CASC3: variants seen among roughly 807,000 people sequenced by gnomAD.
CASC3 encodes CASC3 exon junction complex subunit, also known as protein CASC3.
Under a neutral mutation model 80.5 loss-of-function variants are expected in CASC3, and 30 were observed. That is an observed-to-expected ratio of 0.37 (90% CI 0.28 to 0.51). The LOEUF (loss-of-function observed/expected upper bound fraction) is 0.51. Among genes scored for constraint, CASC3 ranks in the 20% least tolerant of loss-of-function variants. CASC3 has a pLI of 0.94. For synonymous variants in CASC3, 312 were observed against 333.6 expected, an observed-to-expected ratio of 0.94 and a Z score of 0.70; for missense variants, 824 against 922.2, an observed-to-expected ratio of 0.89 and a Z score of 1.38.
chr17:40,141,449 A>G, intron 2 of CASC3, 121 bp from the exon 3 acceptor site: 1 of 925,798 alleles, frequency 1.1e-6, no homozygotes, highest in South Asian at 1.4e-5. Flanking sequence ...TGGGGACTAT[A>G]ATTTTATCCA....
At chr17:40,149,436 G>T (rs531210657) in intron 3 of CASC3, among the ~76,000 whole-genome samples, 4 of 152,054 alleles carry the variant, frequency 2.6e-5, no homozygotes, top group African/African-American at 9.6e-5. Context: ...AAAGAAATTT[G>T]ACTGAGGGAA....
chr17:40,148,678 G>C (rs1362840610), intron 3 of CASC3, among the ~76,000 whole-genome samples: 1 of 151,944 alleles, frequency 6.6e-6, no homozygotes, highest in African/African-American at 2.4e-5. Context: ...AGTTGTAAGT[G>C]CTGTTCTCAG....
chr17:40,163,427 G>A (rs1192969355), intron 6 of CASC3, 54 bp from the exon 7 acceptor site: 20 of 1,501,098 alleles, frequency 1.3e-5, no homozygotes, highest in East Asian at 9.0e-5. Context: ...GAGCCACCGC[G>A]CGTAGCCTCC....
chr17:40,170,070 T>C lies in CASC3; in HGVS notation c.*42-377T>C, dbSNP rs541484728. Among the ~76,000 whole-genome samples, 4 of 150,996 alleles carry C rather than the reference T, an allele frequency of 2.6e-5. No homozygotes were observed. The East Asian group carries it at 7.8e-4, about 29-fold the overall frequency. On this transcript the variant is annotated intron_variant, in intron 13 of 13. Coordinates refer to ENST00000264645, the MANE Select transcript of CASC3 (RefSeq NM_007359.5). The stretch of plus-strand genomic sequence containing the variant: ...CCCACCCAGCCTCTGATTAATGCTT[T>C]AAGTTATAATAATCATGGGATATCT...
chr17:40,141,496 A>T, intron 2 of CASC3, 74 bp from the exon 3 acceptor site: 1 of 1,237,414 alleles, frequency 8.1e-7, no homozygotes, highest in Non-Finnish European at 1.2e-6. Context: ...TGAGACTCTT[A>T]GTCTGACCTG....
rs977202954 is a variant in CASC3 at position 40,171,813 on chromosome 17, C to T, written c.*1408C>T. On this transcript the variant is annotated 3_prime_UTR_variant, in exon 14 of 14. Coordinates refer to ENST00000264645, the MANE Select transcript of CASC3 (RefSeq NM_007359.5). ...ATGTCACTGTTTTTATTCCTTCCAT[C>T]TAGCAGCTGGCCTAATCACTCTGAG... The T allele has an allele frequency of 1.7e-6, 2 of 1,173,294 alleles. No homozygotes were observed. The highest frequency in any genetic ancestry group is 3.2e-5 in the African/African-American group (2 of 62,338). The allele number at this position is 1,173,294 out of a possible 1,614,324, so 72.7% of individuals were successfully genotyped here.
chr17:40,149,176 A>G (rs1988933954), intron 3 of CASC3, among the ~76,000 whole-genome samples: 1 of 151,668 alleles, frequency 6.6e-6, no homozygotes, highest in Non-Finnish European at 1.5e-5. Flanking sequence ...GTGTCTGGCC[A>G]GGGTTTTGGT....
Position 40,164,001 on chromosome 17 carries a change from C to G in CASC3, c.1306C>G (p.Pro436Ala), listed in dbSNP as rs1163070932. The change falls in exon 7 of 14, where the codon CCA becomes GCA. Residue 436 changes from proline (P) to alanine (A), a missense_variant. This residue lies in a region of CASC3 where 464 missense variants were observed against 506.0 expected (regional missense o/e 0.92). Coordinates refer to ENST00000264645, the MANE Select transcript of CASC3 (RefSeq NM_007359.5). ...TCCTGAAGGACTGATTCCAGCACCTCCAGTCCCAGAAACCACCCCAACTCC... is the reference window on the plus strand; with the variant it reads ...TCCTGAAGGACTGATTCCAGCACCTGCAGTCCCAGAAACCACCCCAACTCC... ...PPPEGLIPAP[P>A]VPETTPTPPT... 13 of 1,613,962 alleles carry G rather than the reference C, an allele frequency of 8.1e-6. No individual in the cohort carries two copies. The highest frequency in any genetic ancestry group is 1.1e-5 in the Non-Finnish European group (13 of 1,180,042).
At chr17:40,150,376 CAAAA>C (rs1567678149) in intron 3 of CASC3, among the ~76,000 whole-genome samples, 1 of 151,088 alleles carries the variant, frequency 6.6e-6, no homozygotes, top group East Asian at 1.9e-4. Context: ...TCGAAAAAAA[CAAAA>C]GAATGACATC....
At chr17:40,162,600 T>C in intron 5 of CASC3, 125 bp from the exon 6 acceptor site, 1 of 833,886 alleles carries the variant, frequency 1.2e-6, no homozygotes. Flanking sequence ...ATAATCTCTT[T>C]GGGATGATGA....
At chr17:40,152,637 A>G (rs1768553847) in intron 3 of CASC3, among the ~76,000 whole-genome samples, 2 of 151,020 alleles carry the variant, frequency 1.3e-5, no homozygotes, top group South Asian at 2.1e-4. Context: ...TAATTTTTAA[A>G]CAAATTTTTT....
At position 40,164,078 on chromosome 17, in the gene CASC3, A is replaced by C. The variant is rs1464252546; in HGVS notation, c.1383A>C (p.Gly461=). The part of the protein sequence containing the change: ...WEAPVDSSTS[G]LEQDVAQLNI... ...CTCCGGTGGATTCTAGTACAAGTGG[A>C]CTTGAGCAAGATGTGGCACAACTAA... is the stretch of plus-strand genomic sequence containing the variant. The change falls in exon 7 of 14, where the codon GGA becomes GGC. Residue 461 remains glycine (G), a synonymous_variant. Transcript: ENST00000264645. The C allele has an allele frequency of 6.2e-7, 1 of 1,613,856 alleles. No individual in the cohort carries two copies. The highest frequency in any genetic ancestry group is 1.7e-5 in the Admixed American group (1 of 60,010).
rs1234196429 is a variant in CASC3, at chr17:40,170,804, A to C, written c.*399A>C. 22 of 984,902 alleles carry C rather than the reference A, an allele frequency of 2.2e-5. No individual in the cohort carries two copies. The highest frequency in any genetic ancestry group is 2.4e-5 in the Non-Finnish European group (20 of 829,592). The allele number at this position is 984,902 out of a possible 1,614,324, so 61.0% of individuals were successfully genotyped here. A position where few individuals can be genotyped will look rare whatever the true frequency, so the allele number is the denominator to read the frequency against. On this transcript the variant is annotated 3_prime_UTR_variant, in exon 14 of 14. Coordinates refer to ENST00000264645, the MANE Select transcript of CASC3 (RefSeq NM_007359.5). ...TTGTTTTCTAAGATGTTCATTTTTA[A>C]AGCCTGGCTTCTTATCCTTAATATT...
chr17:40,153,680 G>T (rs151149885), intron 3 of CASC3, among the ~76,000 whole-genome samples: 1 of 152,050 alleles, frequency 6.6e-6, no homozygotes, highest in Non-Finnish European at 1.5e-5. Flanking sequence ...ATTTACCCAG[G>T]TGCATGCCTG....
rs890153310 is a variant in CASC3 at position 40,140,827 on chromosome 17, C to A, written c.231+48C>A. The A allele has an allele frequency of 5.3e-5, 19 of 361,696 alleles. No individual in the cohort carries two copies. The Middle Eastern group carries it at 2.8e-3, about 54-fold the overall frequency. The allele number at this position is 361,696 out of a possible 1,614,324, so 22.4% of individuals were successfully genotyped here. A position where few individuals can be genotyped will look rare whatever the true frequency, so the allele number is the denominator to read the frequency against. ...GGGTGGGGACCGGGCGGCGAGCCGG[C>A]CGGGGGCGGGGTGTAGGTGATGCTA... is the stretch of plus-strand genomic sequence containing the variant. On this transcript the variant is annotated intron_variant, in intron 1 of 13. Transcript: ENST00000264645.
At position 40,156,180 on chromosome 17, in the gene CASC3, G is replaced by A. The variant is rs191318077; in HGVS notation, c.298-5573G>A. Reference sequence around the variant, plus strand: ...AATCTTCAGGGAACATAGGATCAAGGAAAGAACTGAATGATTGCCACCTAC... The same window carrying A: ...AATCTTCAGGGAACATAGGATCAAGAAAAGAACTGAATGATTGCCACCTAC... On this transcript the variant is annotated intron_variant, in intron 3 of 13. Coordinates refer to ENST00000264645, the MANE Select transcript of CASC3 (RefSeq NM_007359.5). 5.6e-4 allele frequency among the ~76,000 whole-genome samples: 85 copies of A among 152,248 alleles called. No homozygotes were observed. In the East Asian group the frequency reaches 0.016, roughly 28 times the overall value.
chr17:40,144,008 T>A (rs1278709940), intron 3 of CASC3, among the ~76,000 whole-genome samples: 2 of 151,984 alleles, frequency 1.3e-5, no homozygotes, highest in African/African-American at 4.8e-5. Flanking sequence ...TCCCAGCACT[T>A]TGGGAGGCCG....
chr17:40,163,923 A>T lies in CASC3; in HGVS notation c.1228A>T (p.Thr410Ser). The T allele has an allele frequency of 6.2e-7, 1 of 1,613,904 alleles. No individual in the cohort carries two copies. Among genetic ancestry groups the T allele is most frequent in the Middle Eastern group, 1.6e-4 (1 of 6,062 alleles). ...EKKSYSRARR[T>S]RTKVGDAVKL... ...GAAATCCTATTCCCGGGCAAGAAGA[A>T]CTCGAACCAAAGTTGGAGATGCAGT... is the stretch of plus-strand genomic sequence containing the variant. Residue 410 changes from threonine (T) to serine (S), a missense_variant, in exon 7 of 14, where the codon ACT becomes TCT. Around this residue, in one of 3 missense-constraint regions of CASC3, gnomAD observed 464 missense variants for 506.0 expected, o/e 0.92. Coordinates refer to ENST00000264645, the MANE Select transcript of CASC3 (RefSeq NM_007359.5).
At chr17:40,169,781 C>T (rs191667773) in intron 13 of CASC3, 119 bp downstream of exon 13, 24 of 493,912 alleles carry the variant, frequency 4.9e-5, no homozygotes, top group Admixed American at 2.6e-4. Flanking sequence ...TTTGAGACGG[C>T]GTCTCAGTCT....
Sources: allele counts gnomAD v4.1 joint callset (sites outside exome capture counted in the v4.1 genomes callset), GRCh38; gene constraint gnomAD v4.1.1; regional missense constraint gnomAD v4.1.1; transcripts MANE v1.5; gene names NCBI Gene and HGNC (gene_info 2026-07-23, HGNC 2026-07-21).